NPHP4: variants seen among roughly 807,000 people sequenced by gnomAD.
NPHP4 encodes the protein nephrocystin-4.
Under a neutral mutation model 155.8 loss-of-function variants are expected in NPHP4, and 151 were observed. That is an observed-to-expected ratio of 0.97 (90% CI 0.85 to 1.11). The LOEUF is 1.11. NPHP4 is among the 50% of genes least tolerant of loss of function. NPHP4 has a pLI of 0.00. For missense variants in NPHP4, 1,956 were observed against 1,925.7 expected (o/e 1.02, Z -0.29); for synonymous variants, 845 against 816.8 (o/e 1.03, Z -0.59).
At chr1:5,895,743 G>A (rs950611752) in intron 16 of NPHP4, among the ~76,000 whole-genome samples, 1 of 152,138 alleles carries the variant, frequency 6.6e-6, no homozygotes, top group Non-Finnish European at 1.5e-5. Flanking sequence ...AAGAACCAAG[G>A]TTACTAATTG....
chr1:5,913,923 A>G (rs915404636), intron 11 of NPHP4, among the ~76,000 whole-genome samples: 1 of 152,220 alleles, frequency 6.6e-6, no homozygotes, highest in Non-Finnish European at 1.5e-5. Flanking sequence ...CTAACATCAC[A>G]GCCCAGAACA....
chr1:5,897,605 G>A (rs533505573), intron 16 of NPHP4, among the ~76,000 whole-genome samples: 192 of 152,236 alleles, frequency 1.3e-3, no homozygotes, highest in African/African-American at 4.2e-3. Context: ...AACACGGGAC[G>A]TTCTGCAAGA....
chr1:5,984,247 G>A (rs1405296537), intron 2 of NPHP4, among the ~76,000 whole-genome samples: 1 of 152,164 alleles, frequency 6.6e-6, no homozygotes, highest in African/African-American at 2.4e-5. Flanking sequence ...GAAAAGCAAG[G>A]TACAGTGCCG....
chr1:5,925,171 C>G (rs1257417980), intron 11 of NPHP4, among the ~76,000 whole-genome samples: 1 of 152,098 alleles, frequency 6.6e-6, no homozygotes, highest in Non-Finnish European at 1.5e-5. Context: ...ATTCAACCAG[C>G]CTTGGATTGA....
At chr1:5,947,070 C>A in intron 9 of NPHP4, 34 bp downstream of exon 9, 1 of 1,613,204 alleles carries the variant, frequency 6.2e-7, no homozygotes, top group Non-Finnish European at 8.5e-7. Context: ...AGTTCACCAC[C>A]AGAGGAAACC....
intron 23 of NPHP4, among the ~76,000 whole-genome samples, chr1:5,872,001 G>A (rs1557607687): frequency 6.8e-6 from 1 of 147,206 alleles, no homozygotes; most frequent in Non-Finnish European, 1.5e-5. Flanking sequence ...TATTTCTGAC[G>A]TAAAGATTAT....
intron 9 of NPHP4, among the ~76,000 whole-genome samples, chr1:5,936,529 A>G (rs1347067315): frequency 6.6e-6 from 1 of 152,250 alleles, no homozygotes; most frequent in Non-Finnish European, 1.5e-5. Flanking sequence ...AAAGAAAAAA[A>G]AAGCCCCAAA....
intron 19 of NPHP4, among the ~76,000 whole-genome samples, chr1:5,879,856 G>C (rs1156513076): frequency 1.5e-5 from 2 of 136,458 alleles, no homozygotes; most frequent in African/African-American, 2.9e-5. Flanking sequence ...CACGCACACA[G>C]ACACGCACAC....
intron 4 of NPHP4, 57 bp downstream of exon 4, chr1:5,969,026 CAAAA>C (rs34702999): frequency 6.4e-4 from 603 of 940,428 alleles, no homozygotes; most frequent in South Asian, 1.2e-3. Context: ...GAATCTGTCT[CAAAA>C]AAAAAAAAAA....
Position 5,944,577 on chromosome 1 carries a change from T to G in NPHP4, c.1119+2527A>C, listed in dbSNP as rs1646989666. ...TTGTGTGGAAGGTCATTTCACACAC[T>G]GCAACATTTCCATTCCAGATTTCAC... On this transcript the variant is annotated intron_variant, in intron 9 of 29. Transcript: ENST00000378156. The surrounding 1 kb of genome is among the most constrained non-coding windows in gnomAD (Gnocchi z 4.3). Among the ~76,000 whole-genome samples the G allele has an allele frequency of 6.6e-6, 1 of 152,236 alleles. No individual in the cohort carries two copies.
intron 23 of NPHP4, among the ~76,000 whole-genome samples, chr1:5,869,141 C>T (rs1033674898): frequency 1.4e-5 from 2 of 140,086 alleles, no homozygotes; most frequent in African/African-American, 2.6e-5. Flanking sequence ...CACACATATC[C>T]GCCCACACAT....
At chr1:5,921,661 G>A (rs914576326) in intron 11 of NPHP4, among the ~76,000 whole-genome samples, 5 of 152,146 alleles carry the variant, frequency 3.3e-5, no homozygotes, top group African/African-American at 1.2e-4. Flanking sequence ...CAGCGTTAGC[G>A]ATCGCCCAGC....
chr1:5,974,893 C>T (rs1050857476), intron 3 of NPHP4, among the ~76,000 whole-genome samples: 1 of 152,186 alleles, frequency 6.6e-6, no homozygotes, highest in African/African-American at 2.4e-5. Flanking sequence ...CAAATGCGGT[C>T]CCCTGCTACC....
At chr1:5,929,863 T>C (rs1646188962) in intron 10 of NPHP4, among the ~76,000 whole-genome samples, 1 of 152,198 alleles carries the variant, frequency 6.6e-6, no homozygotes, top group Non-Finnish European at 1.5e-5. Flanking sequence ...TTTTCTGAAA[T>C]AGATTATATA....
intron 21 of NPHP4, 52 bp from the exon 22 acceptor site, chr1:5,874,709 C>G (rs1642384976): frequency 6.3e-7 from 1 of 1,580,884 alleles, no homozygotes; most frequent in Non-Finnish European, 8.6e-7. Flanking sequence ...GGAGGACCCA[C>G]AGGAGGCTGC....
At chr1:5,964,364 C>T (rs2102179505) in intron 5 of NPHP4, among the ~76,000 whole-genome samples, 1 of 152,266 alleles carries the variant, frequency 6.6e-6, no homozygotes, top group African/African-American at 2.4e-5. Flanking sequence ...AGGGATGCCA[C>T]CAGAGCTTCT....
At chr1:5,924,747 C>T (rs549301221) in intron 11 of NPHP4, among the ~76,000 whole-genome samples, 133 of 152,264 alleles carry the variant, frequency 8.7e-4, no homozygotes, top group African/African-American at 3.0e-3. Flanking sequence ...CTCCATCTCC[C>T]GGGCTCAACC....
chr1:5,887,202 G>A (rs2100851338), intron 18 of NPHP4, 84 bp downstream of exon 18: 2 of 1,303,884 alleles, frequency 1.5e-6, no homozygotes. Flanking sequence ...AGCCCATGAT[G>A]TGGCCCCTGC....
intron 1 of NPHP4, among the ~76,000 whole-genome samples, chr1:5,989,724 C>T (rs1026825277): frequency 2.6e-5 from 4 of 152,234 alleles, no homozygotes; most frequent in African/African-American, 9.6e-5. Context: ...GACGCAGATG[C>T]CCATGCTCCT....
Sources: allele counts gnomAD v4.1 joint callset (sites outside exome capture counted in the v4.1 genomes callset), GRCh38; gene constraint gnomAD v4.1.1; non-coding constraint Gnocchi (gnomAD v3.1); transcripts MANE v1.5; gene names NCBI Gene and HGNC (gene_info 2026-07-23, HGNC 2026-07-21).